The following GARIN1A variants were observed in gnomAD, a reference collection of about 807,000 sequenced individuals.
The protein encoded by GARIN1A is Golgi-associated RAB2 interactor protein 1A.
chr7:128,678,015 CTTTTTT>C, the GARIN1A span: 774 of 172,538 alleles, frequency 4.5e-3, 2 homozygotes, highest in East Asian at 0.012. Flanking sequence ...AGAAATGTTT[CTTTTTT>C]TTTTTTTTTT....
At chr7:128,696,184 A>G in the GARIN1A span, among the ~76,000 whole-genome samples, 1 of 151,604 alleles carries the variant, frequency 6.6e-6, no homozygotes, top group East Asian at 1.9e-4. Flanking sequence ...CTAATTTTTA[A>G]AAATATTATT....
At chr7:128,707,086 A>AATGT in the GARIN1A span, among the ~76,000 whole-genome samples, 102 of 152,034 alleles carry the variant, frequency 6.7e-4, 1 homozygote, top group African/African-American at 2.3e-3. Flanking sequence ...GTATATATTT[A>AATGT]ATGTATACAA....
At chr7:128,699,654 T>C in the GARIN1A span, among the ~76,000 whole-genome samples, 4 of 152,260 alleles carry the variant, frequency 2.6e-5, no homozygotes, top group African/African-American at 9.6e-5. Flanking sequence ...TTTTTACTTA[T>C]AAATTTCCCT....
the GARIN1A span, among the ~76,000 whole-genome samples, chr7:128,695,439 C>T: frequency 2.0e-5 from 3 of 152,228 alleles, no homozygotes; most frequent in Non-Finnish European, 4.4e-5. This position sits in a 1 kb window ranked among gnomAD's most constrained non-coding sequence, Gnocchi z 4.5. Flanking sequence ...AATGGGGTCT[C>T]CCTGCAGCTG....
the GARIN1A span, chr7:128,690,696 C>T: frequency 1.3e-5 from 2 of 152,124 alleles, no homozygotes; most frequent in Non-Finnish European, 2.9e-5. Context: ...CCTTAAGAAA[C>T]TCCTAGAGGA....
chr7:128,685,809 CAT>C, the GARIN1A span: 1 of 152,178 alleles, frequency 6.6e-6, no homozygotes. Context: ...AATCACAAAT[CAT>C]GTGGCCATCC....
the GARIN1A span, chr7:128,683,663 TCAC>T: frequency 6.6e-6 from 1 of 152,222 alleles, no homozygotes; most frequent in Non-Finnish European, 1.5e-5. Context: ...AGATGGGGTT[TCAC>T]CACGTTGCCC....
At chr7:128,683,452 T>TTTTATTTA in the GARIN1A span, 32,344 of 154,146 alleles carry the variant, frequency 0.21, 3,819 homozygotes, top group South Asian at 0.25. Flanking sequence ...GACTGGGTAA[T>TTTTATTTA]TTTATTTATT....
chr7:128,679,183 G>T, the GARIN1A span, among the ~76,000 whole-genome samples: 1 of 151,126 alleles, frequency 6.6e-6, no homozygotes, highest in Non-Finnish European at 1.5e-5. Context: ...TCTCTAAATT[G>T]ATTTGTAAAA....
chr7:128,685,032 G>C, the GARIN1A span: 13 of 152,174 alleles, frequency 8.5e-5, no homozygotes, highest in African/African-American at 3.1e-4. Flanking sequence ...CTCCCAAGTA[G>C]CTGGGATTAC....
the GARIN1A span, among the ~76,000 whole-genome samples, chr7:128,706,266 A>T: frequency 6.6e-6 from 1 of 152,166 alleles, no homozygotes; most frequent in East Asian, 1.9e-4. Flanking sequence ...TTCCTGCCCC[A>T]ATCTTGGAAT....
chr7:128,707,444 A>C, the GARIN1A span, among the ~76,000 whole-genome samples: 1 of 151,956 alleles, frequency 6.6e-6, no homozygotes, highest in African/African-American at 2.4e-5. Context: ...TCACTGTTCT[A>C]CACTCTGCTT....
the GARIN1A span, chr7:128,691,661 A>G: frequency 7.9e-5 from 12 of 152,404 alleles, no homozygotes; most frequent in Admixed American, 5.9e-4. Context: ...TATGCTCATT[A>G]TAATGCATTA....
At chr7:128,696,115 C>T in the GARIN1A span, among the ~76,000 whole-genome samples, 4 of 145,686 alleles carry the variant, frequency 2.7e-5, no homozygotes. Context: ...TGGGCTGCAG[C>T]TATTCTCCCA....
the GARIN1A span, chr7:128,685,921 A>G: frequency 6.6e-6 from 1 of 152,304 alleles, no homozygotes; most frequent in East Asian, 1.9e-4. Flanking sequence ...TATTGTATTA[A>G]TAGTAACCCC....
At chr7:128,705,180 G>T in the GARIN1A span, among the ~76,000 whole-genome samples, 1 of 152,182 alleles carries the variant, frequency 6.6e-6, no homozygotes, top group Non-Finnish European at 1.5e-5. Flanking sequence ...GGGTGATAAA[G>T]CTGCTAGAAA....
chr7:128,677,734 C>T, the GARIN1A span: 2 of 1,613,824 alleles, frequency 1.2e-6, no homozygotes, highest in South Asian at 1.1e-5. Context: ...AAAGGCCTGT[C>T]CATCACCACC....
chr7:128,699,265 C>G, the GARIN1A span, among the ~76,000 whole-genome samples: 31 of 139,944 alleles, frequency 2.2e-4, no homozygotes, highest in East Asian at 2.1e-3. Flanking sequence ...CTGCTGCCCC[C>G]CCCCCCCCAC....
chr7:128,683,311 T>C, the GARIN1A span: 4 of 590,332 alleles, frequency 6.8e-6, no homozygotes, highest in Non-Finnish European at 5.7e-6. Context: ...AACTTCCAAG[T>C]GAGTCCCTAA....
Sources: gnomAD v4.1 joint callset for allele counts (sites outside exome capture counted in the v4.1 genomes callset) on GRCh38, gnomAD v4.1.1 for gene constraint, Gnocchi (gnomAD v3.1) non-coding constraint, MANE v1.5 for transcripts, NCBI Gene and HGNC (gene_info 2026-07-23, HGNC 2026-07-21) for gene names.